The following ETS2 variants were observed in gnomAD, a reference collection of about 807,000 sequenced individuals.
ETS2 encodes the protein ETS proto-oncogene 2, transcription factor.
A neutral mutation model predicts 54.9 loss-of-function variants in ETS2; 19 were observed. The observed-to-expected ratio is 0.35, with a 90% CI of 0.24 to 0.51. The LOEUF (loss-of-function observed/expected upper bound fraction) is 0.51, where lower values mean the gene tolerates loss of function less well. ETS2 is among the 20% of genes least tolerant of loss of function. ETS2 has a pLI of 0.97. For missense variants in ETS2, 417 were observed against 593.0 expected (o/e 0.70, Z 3.08); for synonymous variants, 219 against 229.3 (o/e 0.95, Z 0.41).
rs2060919694 is a variant in ETS2 at position 38,813,014 on chromosome 21, C to T, written c.84C>T (p.Ala28=). 1.2e-6 allele frequency: 2 copies of T among 1,613,184 alleles called. No individual in the cohort carries two copies. Among genetic ancestry groups the T allele is most frequent in the Non-Finnish European group, 1.7e-6 (2 of 1,179,174 alleles). Residue 28 remains alanine (A), a synonymous_variant, in exon 3 of 10, where the codon GCC becomes GCT. Transcript: ENST00000360938. ...ATCTGTTTTTGCAGCGCCAGCCAGCCTTTGACACCTTTGATGGGTCCCTGT... is the reference window on the plus strand; with the variant it reads ...ATCTGTTTTTGCAGCGCCAGCCAGCTTTTGACACCTTTGATGGGTCCCTGT... ...SYRGTLKRQP[A]FDTFDGSLFA...
At chr21:38,805,250 G>A, upstream of ETS2, 1 of 988,224 alleles carries the variant, frequency 1.0e-6, no homozygotes, top group Non-Finnish European at 1.3e-6. This position sits in a 1 kb window ranked among gnomAD's most constrained non-coding sequence, Gnocchi z 5.2. Flanking sequence ...ACGACTCGGG[G>A]ACACAGCCAG....
chr21:38,818,273 TGGTGACAGACCCCCACCAAAGCCCG>T, intron 6 of ETS2, 127 bp from the exon 7 acceptor site: 6 of 950,848 alleles, frequency 6.3e-6, no homozygotes, highest in Non-Finnish European at 9.4e-6. Context: ...GAAGAAGGCC[TGGTGACAGACCCCCACCAAAGCCCG>T]GGTCTCCACT....
rs775042220 is a variant in ETS2, at chr21:38,821,054, C to T, written c.1076-532C>T. ...CTGTGAGGCAACGGGTGTGACCCCG[C>T]GTGGCTATTGAGTAAACCGGGCTCA... On this transcript the variant is annotated intron_variant, in intron 8 of 9. Transcript: ENST00000360938. This position sits in a 1 kb window ranked among gnomAD's most constrained non-coding sequence, Gnocchi z 4.2. Among the ~76,000 whole-genome samples, 6 of 152,194 alleles carry T rather than the reference C, an allele frequency of 3.9e-5. No homozygotes were observed. The highest frequency in any genetic ancestry group is 5.9e-5 in the Non-Finnish European group (4 of 68,042).
rs944456317 is a variant in ETS2 at position 38,821,398 on chromosome 21, C to A, written c.1076-188C>A. Among the ~76,000 whole-genome samples the A allele has an allele frequency of 4.6e-5, 7 of 152,136 alleles. No individual in the cohort carries two copies. Among genetic ancestry groups the A allele is most frequent in the African/African-American group, 1.7e-4 (7 of 41,404 alleles). ...CAGGAACTCACATTTGGTGCCCCGC[C>A]CCATCCCGTTAAAGCACTTAGTACT... On this transcript the variant is annotated intron_variant, in intron 8 of 9. Coordinates refer to ENST00000360938, the MANE Select transcript of ETS2 (RefSeq NM_005239.6). This position sits in a 1 kb window ranked among gnomAD's most constrained non-coding sequence, Gnocchi z 4.2.
chr21:38,812,679 G>A (rs993517433), intron 2 of ETS2, among the ~76,000 whole-genome samples: 1 of 152,204 alleles, frequency 6.6e-6, no homozygotes, highest in Non-Finnish European at 1.5e-5. Flanking sequence ...TACTCGGGAG[G>A]CTGAGGCAGG....
At position 38,814,669 on chromosome 21, in the gene ETS2, G is replaced by T; in HGVS notation, c.305-112G>T. Reference sequence around the variant, plus strand: ...TGTCATCATGGTATCTTGCTCATTCGTGGGTTCTGGTGTATGTCGGTACTT... The same window carrying T: ...TGTCATCATGGTATCTTGCTCATTCTTGGGTTCTGGTGTATGTCGGTACTT... On this transcript the variant is annotated intron_variant, in intron 4 of 9. Coordinates refer to ENST00000360938, the MANE Select transcript of ETS2 (RefSeq NM_005239.6). This position sits in a 1 kb window ranked among gnomAD's most constrained non-coding sequence, Gnocchi z 4.2. 1.0e-6 allele frequency: 1 copy of T among 980,408 alleles called. No homozygotes were observed. The highest frequency in any genetic ancestry group is 1.5e-5 in the South Asian group (1 of 65,790). The allele number at this position is 980,408 out of a possible 1,614,324, so 60.7% of individuals were successfully genotyped here. A position where few individuals can be genotyped will look rare whatever the true frequency, so the allele number is the denominator to read the frequency against.
At chr21:38,822,248 G>A (rs183216601) in intron 9 of ETS2, among the ~76,000 whole-genome samples, 18 of 152,274 alleles carry the variant, frequency 1.2e-4, no homozygotes, top group Admixed American at 6.5e-4. Context: ...TTCCCACCCC[G>A]CCTCCAGTTC....
Position 38,806,202 on chromosome 21 carries a change from G to A in ETS2, c.-1+82G>A, listed in dbSNP as rs2060892203. The A allele has an allele frequency of 3.0e-6, 3 of 992,556 alleles. No individual in the cohort carries two copies. Among genetic ancestry groups the A allele is most frequent in the African/African-American group, 1.8e-5 (1 of 56,530 alleles). 61.5% of individuals were successfully genotyped at this position (992,556 alleles called of 1,614,324 possible). On this transcript the variant is annotated intron_variant, in intron 1 of 9. Transcript: ENST00000360938. The surrounding 1 kb of genome is among the most constrained non-coding windows in gnomAD (Gnocchi z 4.3). ...CACCCGGGGCCTGGGCGGGGGTCGCGGGGGGCACTGACACGCAGATCTCGG... is the reference window on the plus strand; with the variant it reads ...CACCCGGGGCCTGGGCGGGGGTCGCAGGGGGCACTGACACGCAGATCTCGG...
chr21:38,809,893 T>G, intron 1 of ETS2, 142 bp from the exon 2 acceptor site: 1 of 594,024 alleles, frequency 1.7e-6, no homozygotes, highest in Non-Finnish European at 2.9e-6. Flanking sequence ...AGGACAGCCA[T>G]TTAAACAAGA....
At chr21:38,816,416 C>T (rs768516859) in intron 5 of ETS2, among the ~76,000 whole-genome samples, 38 of 152,206 alleles carry the variant, frequency 2.5e-4, no homozygotes, top group Admixed American at 1.4e-3. Context: ...TACCATTCCT[C>T]GGGCCTGTGA....
At chr21:38,819,852 C>G in intron 8 of ETS2, 86 bp downstream of exon 8, 1 of 1,371,836 alleles carries the variant, frequency 7.3e-7, no homozygotes, top group Non-Finnish European at 9.9e-7. Flanking sequence ...CCACATTCAC[C>G]GAGGGTGTTT....
intron 8 of ETS2, among the ~76,000 whole-genome samples, chr21:38,820,866 C>T (rs1379262040): frequency 1.3e-5 from 2 of 152,178 alleles, no homozygotes; most frequent in East Asian, 1.9e-4. Context: ...CTGTGATGGG[C>T]GTGTGATCCA....
chr21:38,807,735 C>A (rs1479044188), intron 1 of ETS2, among the ~76,000 whole-genome samples: 3 of 152,158 alleles, frequency 2.0e-5, no homozygotes, highest in Non-Finnish European at 4.4e-5. Context: ...CTGGGGAGAG[C>A]TTTTCCACTG....
chr21:38,819,500 C>A lies in ETS2; in HGVS notation c.812-3C>A. The A allele has an allele frequency of 1.2e-6, 2 of 1,613,338 alleles. No individual in the cohort carries two copies. Among genetic ancestry groups the A allele is most frequent in the Non-Finnish European group, 1.7e-6 (2 of 1,179,358 alleles). Reference sequence around the variant, plus strand: ...AAAGTATGTGTTTGGTTGTCTTTGCCAGGGACTCCCAAAGACCACGACTCC... The same window carrying A: ...AAAGTATGTGTTTGGTTGTCTTTGCAAGGGACTCCCAAAGACCACGACTCC... On this transcript the variant is annotated splice_region_variant and splice_polypyrimidine_tract_variant and intron_variant, in intron 7 of 9. Coordinates refer to ENST00000360938, the MANE Select transcript of ETS2 (RefSeq NM_005239.6).
chr21:38,818,398 C>G (rs2060943598), intron 6 of ETS2, 27 bp from the exon 7 acceptor site: 3 of 1,613,254 alleles, frequency 1.9e-6, no homozygotes, highest in Non-Finnish European at 2.5e-6. Flanking sequence ...ACTTTAAGAG[C>G]TCTGCCGTCC....
In ETS2 at chr21:38,806,515, G is replaced by A. The variant is rs2060893807; in HGVS notation, c.-1+395G>A. 1.0e-6 allele frequency: 1 copy of A among 985,446 alleles called. No individual in the cohort carries two copies. The highest frequency in any genetic ancestry group is 1.2e-6 in the Non-Finnish European group (1 of 830,038). The allele number at this position is 985,446 out of a possible 1,614,324, so 61.0% of individuals were successfully genotyped here. On this transcript the variant is annotated intron_variant, in intron 1 of 9. Coordinates refer to ENST00000360938, the MANE Select transcript of ETS2 (RefSeq NM_005239.6). The surrounding 1 kb of genome is among the most constrained non-coding windows in gnomAD (Gnocchi z 4.3). ...CCCGGCGAACATGATTTCGCGAACG[G>A]GAGTGGGGGCACAGGAGAGCGTGTC...
chr21:38,819,807 G>A (rs541572466), intron 8 of ETS2, 41 bp downstream of exon 8: 1 of 1,585,450 alleles, frequency 6.3e-7, no homozygotes, highest in Non-Finnish European at 8.6e-7. Context: ...CCAGTCTCCT[G>A]GGTCCTGTCC....
chr21:38,807,018 T>C (rs2060896167), intron 1 of ETS2, among the ~76,000 whole-genome samples: 1 of 152,208 alleles, frequency 6.6e-6, no homozygotes, highest in African/African-American at 2.4e-5. Flanking sequence ...TAAGAGATTA[T>C]ATTTGTTCCA....
intron 2 of ETS2, among the ~76,000 whole-genome samples, chr21:38,812,742 C>T (rs2060918442): frequency 1.3e-5 from 2 of 150,266 alleles, no homozygotes; most frequent in African/African-American, 4.9e-5. Context: ...GATTGCACCA[C>T]TGCACTCTGG....
Sources: allele counts gnomAD v4.1 joint callset (sites outside exome capture counted in the v4.1 genomes callset), GRCh38; gene constraint gnomAD v4.1.1; non-coding constraint Gnocchi (gnomAD v3.1); transcripts MANE v1.5; gene names NCBI Gene and HGNC (gene_info 2026-07-23, HGNC 2026-07-21).